SYNE2: variants seen among roughly 807,000 people sequenced by gnomAD.
The protein encoded by SYNE2 is nesprin-2.
SYNE2 carries 431 observed loss-of-function variants against 856.3 expected under a neutral mutation model. That is an observed-to-expected ratio of 0.50 (90% CI 0.47 to 0.55). The LOEUF is 0.55. Among genes scored for constraint, SYNE2 ranks in the 20% least tolerant of loss-of-function variants. SYNE2 has a pLI of 0.00. For synonymous variants in SYNE2, 2,923 were observed against 2,872.3 expected, an observed-to-expected ratio of 1.02 and a Z score of -0.56; for missense variants, 8,129 against 8,023.2, an observed-to-expected ratio of 1.01 and a Z score of -0.50.
rs1218050775 is a variant in SYNE2 at position 63,909,055 on chromosome 14, AGCT to A, written c.-51-40_-51-38del. The A allele has an allele frequency of 1.2e-5, 11 of 936,530 alleles. No individual in the cohort carries two copies. The African/African-American group carries it at 1.8e-4, about 15-fold the overall frequency. 58.0% of individuals were successfully genotyped at this position (936,530 alleles called of 1,614,324 possible). A position where few individuals can be genotyped will look rare whatever the true frequency, so the allele number is the denominator to read the frequency against. ...GGCAATGCATGTTTACTAGAAACAGAGCTGCAAAGTTACTAATGAACATTTATC... is the reference window on the plus strand; with the variant it reads ...GGCAATGCATGTTTACTAGAAACAGAGCAAAGTTACTAATGAACATTTATC... On this transcript the variant is annotated intron_variant, in intron 1 of 115. Coordinates refer to ENST00000555002, the MANE Select transcript of SYNE2 (RefSeq NM_182914.3).
intron 18 of SYNE2, 102 bp from the exon 19 acceptor site, chr14:63,986,354 C>T (rs945335130): frequency 4.9e-6 from 6 of 1,224,374 alleles, no homozygotes; most frequent in Admixed American, 1.9e-5. Context: ...CCTGCCCTGG[C>T]CTCCTAAAGA....
chr14:64,060,401 G>T lies in SYNE2; in HGVS notation c.10068-2350G>T, dbSNP rs544751740. On this transcript the variant is annotated intron_variant, in intron 49 of 115. Coordinates refer to ENST00000555002, the MANE Select transcript of SYNE2 (RefSeq NM_182914.3). ...GGGCTGGGTCCTTCCCTTCGAGGAAGTGGGTTCCCTTCTGGCCCAGGGTGT... is the reference window on the plus strand; with the variant it reads ...GGGCTGGGTCCTTCCCTTCGAGGAATTGGGTTCCCTTCTGGCCCAGGGTGT... Among the ~76,000 whole-genome samples, 146 of 152,240 alleles carry T rather than the reference G, an allele frequency of 9.6e-4. 1 individual carries two copies. Among genetic ancestry groups the T allele is most frequent in the East Asian group, 1.9e-4 (1 of 5,174 alleles).
Position 63,909,208 on chromosome 14 carries a change from T to C in SYNE2, c.60T>C (p.Asp20=), listed in dbSNP as rs778786815. The change falls in exon 2 of 116, where the codon GAT becomes GAC. Residue 20 remains aspartate (D), a synonymous_variant. Coordinates refer to ENST00000555002, the MANE Select transcript of SYNE2 (RefSeq NM_182914.3). ...AACAGGGTTCCTGGGGCATCGACGA[T>C]CTCCATATTTCATTGCAAGGTAATT... ...EDEQGSWGID[D]LHISLQAEQE... is the part of the protein sequence containing the mutation. 5 of 1,612,236 alleles carry C rather than the reference T, an allele frequency of 3.1e-6. No homozygotes were observed. Among genetic ancestry groups the C allele is most frequent in the Middle Eastern group, 1.7e-4 (1 of 6,060 alleles).
intron 38 of SYNE2, 46 bp downstream of exon 38, chr14:64,022,909 A>G (rs1198612480): frequency 1.0e-6 from 1 of 969,932 alleles, no homozygotes; most frequent in Non-Finnish European, 1.6e-6. Context: ...CAATACTAAA[A>G]TACTGGAGGC....
chr14:63,941,193 T>G (rs1424638100), intron 3 of SYNE2, among the ~76,000 whole-genome samples: 1 of 152,196 alleles, frequency 6.6e-6, no homozygotes, highest in Non-Finnish European at 1.5e-5. Context: ...CTGGACTCAG[T>G]GGCCTTGATC....
At chr14:64,039,654 C>T (rs928547105) in intron 45 of SYNE2, among the ~76,000 whole-genome samples, 14 of 152,162 alleles carry the variant, frequency 9.2e-5, no homozygotes, top group Non-Finnish European at 1.9e-4. Context: ...TTATTATTAA[C>T]TTTGAACATT....
chr14:64,024,159 G>C (rs558757667), intron 38 of SYNE2, 98 bp from the exon 39 acceptor site: 175 of 947,744 alleles, frequency 1.8e-4, no homozygotes, highest in Non-Finnish European at 2.8e-4. Context: ...TAAGAAGGTG[G>C]TATGTCTGTG....
intron 6 of SYNE2, among the ~76,000 whole-genome samples, chr14:63,948,734 G>GTGTATATATATGTA (rs1296695009): frequency 3.5e-5 from 2 of 57,496 alleles, no homozygotes; most frequent in African/African-American, 6.3e-5. Context: ...ATATATATGT[G>GTGTATATATATGTA]TATAGATATG....
At chr14:63,902,449 T>TAGTACTAA (rs1470559679) in intron 1 of SYNE2, among the ~76,000 whole-genome samples, 1 of 151,590 alleles carries the variant, frequency 6.6e-6, no homozygotes, top group Non-Finnish European at 1.5e-5. Flanking sequence ...TTATTTATTT[T>TAGTACTAA]AGTACTAAAC....
At position 64,065,581 on chromosome 14, in the gene SYNE2, G is replaced by C; in HGVS notation, c.10362G>C (p.Leu3454=). The C allele has an allele frequency of 6.2e-7, 1 of 1,614,140 alleles. No individual in the cohort carries two copies. Among genetic ancestry groups the C allele is most frequent in the Non-Finnish European group, 8.5e-7 (1 of 1,180,016 alleles). Residue 3454 remains leucine, a synonymous_variant, in exon 51 of 116, where the codon CTG becomes CTC. Coordinates refer to ENST00000555002, the MANE Select transcript of SYNE2 (RefSeq NM_182914.3). ...TGTGGGAGAAATGGCTGAGTTTGCT[G>C]GAAGCTGCTAAAGAGTGGGAGATGT... ...SALWEKWLSL[L]EAAKEWEMWC...
intron 83 of SYNE2, among the ~76,000 whole-genome samples, chr14:64,144,716 G>T (rs2098167140): frequency 6.6e-6 from 1 of 152,106 alleles, no homozygotes; most frequent in South Asian, 2.1e-4. Context: ...AAAATGTAAA[G>T]AACCGTAATA....
At chr14:63,795,906 A>T (rs1178027097) in intron 1 of SYNE2, among the ~76,000 whole-genome samples, 1 of 152,244 alleles carries the variant, frequency 6.6e-6, no homozygotes, top group Admixed American at 6.5e-5. Flanking sequence ...TTATAATTGC[A>T]TTACATTAAA....
At chr14:64,150,291 C>CAAAAA (rs773488742) in intron 84 of SYNE2, among the ~76,000 whole-genome samples, 32 of 35,628 alleles carry the variant, frequency 9.0e-4, no homozygotes, top group African/African-American at 1.8e-3. Context: ...GATTCTCTCT[C>CAAAAA]AAAAAAAAAA....
intron 45 of SYNE2, among the ~76,000 whole-genome samples, chr14:64,031,942 T>C (rs1044532810): frequency 6.6e-6 from 1 of 152,140 alleles, no homozygotes; most frequent in Non-Finnish European, 1.5e-5. Context: ...TTTTCATAGG[T>C]TACAGATTGA....
chr14:64,223,705 A>T (rs948394641), intron 113 of SYNE2, among the ~76,000 whole-genome samples: 2 of 152,290 alleles, frequency 1.3e-5, no homozygotes, highest in South Asian at 4.1e-4. Context: ...ACCTCAAGCA[A>T]TGCAAAGTTC....
rs370682788 is a variant in SYNE2, at chr14:64,186,490, T to G, written c.17623T>G (p.Leu5875Val). 1 of 1,614,136 alleles carries G rather than the reference T, an allele frequency of 6.2e-7. No homozygotes were observed. Among genetic ancestry groups the G allele is most frequent in the Non-Finnish European group, 8.5e-7 (1 of 1,180,044 alleles). Residue 5875 changes from leucine (L) to valine (V), a missense_variant, in exon 97 of 116, where the codon TTA (leucine) becomes GTA (valine). Coordinates refer to ENST00000555002, the MANE Select transcript of SYNE2 (RefSeq NM_182914.3). ...LKELQTMKAD[L>V]TRHVLVEDVM... ...AGAACTTCAAACTATGAAGGCGGAC[T>G]TAACCCGGCACGTTCTCGTGGAAGA...
chr14:64,052,963 T>A lies in SYNE2; in HGVS notation c.9050T>A (p.Leu3017His), dbSNP rs752678175. The A allele has an allele frequency of 1.2e-6, 2 of 1,610,560 alleles. No homozygotes were observed. The highest frequency in any genetic ancestry group is 1.7e-6 in the Non-Finnish European group (2 of 1,179,238). Reference protein sequence around the residue: ...YIGLNWDFSQLDQLQTQVFEK... With the variant: ...YIGLNWDFSQHDQLQTQVFEK... ...GGACTAAACTGGGATTTTTCACAAC[T>A]TGACCAATTACAAACCCAAGTATTT... is the stretch of plus-strand genomic sequence containing the variant. The change falls in exon 48 of 116, where the codon CTT (leucine) becomes CAT (histidine). Residue 3017 changes from leucine to histidine, a missense_variant. This residue lies in a region of SYNE2 where 5,410 missense variants were observed against 5,284.8 expected (regional missense o/e 1.02). Transcript: ENST00000555002.
At chr14:64,209,748 A>G in intron 102 of SYNE2, 170 bp downstream of exon 102, 8 of 1,150,570 alleles carry the variant, frequency 7.0e-6, no homozygotes, top group Non-Finnish European at 7.6e-6. Flanking sequence ...GACATTGCTG[A>G]TGTACTCCAG....
chr14:63,761,862 T>C (rs1886495658), upstream of SYNE2, among the ~76,000 whole-genome samples: 1 of 151,940 alleles, frequency 6.6e-6, no homozygotes, highest in Non-Finnish European at 1.5e-5. Flanking sequence ...TCTCCCAGAG[T>C]CAGGCGTGTA....
Sources: allele counts gnomAD v4.1 joint callset (sites outside exome capture counted in the v4.1 genomes callset), GRCh38; gene constraint gnomAD v4.1.1; regional missense constraint gnomAD v4.1.1; transcripts MANE v1.5; gene names NCBI Gene and HGNC (gene_info 2026-07-23, HGNC 2026-07-21).